The following SLC4A4 variants were observed in gnomAD, a reference collection of about 807,000 sequenced individuals.
SLC4A4 encodes the protein electrogenic sodium bicarbonate cotransporter 1.
A neutral mutation model predicts 111.5 loss-of-function variants in SLC4A4; 27 were observed. That is an observed-to-expected ratio of 0.24 (90% CI 0.18 to 0.33). SLC4A4 has a LOEUF of 0.33. Ranked by LOEUF, SLC4A4 falls within the 10% of genes least tolerant of loss-of-function variation. The probability of loss-of-function intolerance (pLI) is 1.00; values close to 1 mark genes in which losing one functional copy is unlikely to be tolerated. For missense variants in SLC4A4, 909 were observed against 1,315.5 expected (o/e 0.69, Z 4.78); for synonymous variants, 443 against 463.4 (o/e 0.96, Z 0.57).
At chr4:71,524,694 C>T (rs1733262485) in intron 16 of SLC4A4, among the ~76,000 whole-genome samples, 1 of 151,676 alleles carries the variant, frequency 6.6e-6, no homozygotes, top group Admixed American at 6.6e-5. Flanking sequence ...ACTGGGGGGT[C>T]ATATTTCAAA....
At chr4:71,342,164 T>C (rs890059366) in intron 4 of SLC4A4, among the ~76,000 whole-genome samples, 1 of 152,220 alleles carries the variant, frequency 6.6e-6, no homozygotes, top group Non-Finnish European at 1.5e-5. Flanking sequence ...TTTGCTCTTT[T>C]GGGGCTTCCT....
At chr4:71,471,386 G>A (rs4524353) in intron 13 of SLC4A4, among the ~76,000 whole-genome samples, 2 of 151,928 alleles carry the variant, frequency 1.3e-5, no homozygotes, top group South Asian at 2.1e-4. Flanking sequence ...TGAGTGAGGC[G>A]AGTATAGATA....
At chr4:71,546,264 T>C in intron 18 of SLC4A4, 86 bp from the exon 19 acceptor site, 1 of 1,179,064 alleles carries the variant, frequency 8.5e-7, no homozygotes, top group Non-Finnish European at 1.3e-6. Context: ...CAGTTTCCTT[T>C]GGTCATCTTA....
At chr4:71,088,098 G>T (rs1250582494) in intron 1 of SLC4A4, among the ~76,000 whole-genome samples, 1 of 151,916 alleles carries the variant, frequency 6.6e-6, no homozygotes, top group Non-Finnish European at 1.5e-5. Flanking sequence ...CCTGTATTGG[G>T]TGCATATATA....
chr4:71,110,012 T>C (rs1386928797), intron 2 of SLC4A4, among the ~76,000 whole-genome samples: 1 of 152,112 alleles, frequency 6.6e-6, no homozygotes. Context: ...CTGAAATTGA[T>C]GAAAATTATT....
chr4:71,502,813 G>T (rs1731064604), intron 16 of SLC4A4, among the ~76,000 whole-genome samples: 1 of 152,160 alleles, frequency 6.6e-6, no homozygotes, highest in Non-Finnish European at 1.5e-5. Context: ...GTAGCAGTTG[G>T]ATGGAATATT....
chr4:71,064,798 G>C (rs1303552069), intron 1 of SLC4A4, among the ~76,000 whole-genome samples: 1 of 152,164 alleles, frequency 6.6e-6, no homozygotes, highest in Non-Finnish European at 1.5e-5. Context: ...GATAGACCTA[G>C]GTTAAAATTT....
intron 5 of SLC4A4, among the ~76,000 whole-genome samples, chr4:71,356,045 A>G (rs185381495): frequency 2.0e-5 from 3 of 152,350 alleles, no homozygotes; most frequent in Admixed American, 6.5e-5. Context: ...CATATCTTGC[A>G]CAGATTCTGT....
intron 3 of SLC4A4, among the ~76,000 whole-genome samples, chr4:71,319,856 C>T (rs751972193): frequency 6.6e-6 from 1 of 151,876 alleles, no homozygotes; most frequent in Non-Finnish European, 1.5e-5. Context: ...AGCTGAGCAC[C>T]AGATTCTGGT....
chr4:71,184,062 T>C (rs1745381006), upstream of SLC4A4, among the ~76,000 whole-genome samples: 1 of 152,192 alleles, frequency 6.6e-6, no homozygotes, highest in Non-Finnish European at 1.5e-5. Flanking sequence ...CACAGTGCTT[T>C]ACAGACAACA....
chr4:71,207,047 A>G (rs1329594757), intron 1 of SLC4A4, among the ~76,000 whole-genome samples: 2 of 152,150 alleles, frequency 1.3e-5, no homozygotes, highest in Non-Finnish European at 2.9e-5. Context: ...TAGTAATCTT[A>G]TAAGGTTGTA....
intron 7 of SLC4A4, among the ~76,000 whole-genome samples, chr4:71,412,744 T>C (rs1721471112): frequency 6.6e-6 from 1 of 151,880 alleles, no homozygotes; most frequent in Non-Finnish European, 1.5e-5. Flanking sequence ...AACTGGGGAG[T>C]GGGCAGAGGT....
chr4:71,218,385 G>A (rs755530758), intron 1 of SLC4A4, among the ~76,000 whole-genome samples: 9 of 152,120 alleles, frequency 5.9e-5, no homozygotes, highest in Non-Finnish European at 1.3e-4. Context: ...TCACTTGTTT[G>A]ATGACCTTTC....
intron 3 of SLC4A4, among the ~76,000 whole-genome samples, chr4:71,258,703 G>T (rs558498415): frequency 4.8e-4 from 73 of 152,168 alleles, no homozygotes; most frequent in African/African-American, 1.6e-3. Flanking sequence ...CTGGAACATC[G>T]TATTTATATT....
chr4:71,062,891 G>A (rs373776508), intron 1 of SLC4A4, among the ~76,000 whole-genome samples: 6 of 152,138 alleles, frequency 3.9e-5, no homozygotes, highest in Non-Finnish European at 8.8e-5. Context: ...GTGAGGAAGC[G>A]ATGAACCTTC....
At chr4:71,154,656 G>C (rs1044029903) in intron 2 of SLC4A4, among the ~76,000 whole-genome samples, 1 of 152,110 alleles carries the variant, frequency 6.6e-6, no homozygotes, top group African/African-American at 2.4e-5. Flanking sequence ...AATAAATATT[G>C]TAAGTATTAA....
intron 2 of SLC4A4, among the ~76,000 whole-genome samples, chr4:71,148,248 C>T (rs1261271410): frequency 6.6e-6 from 1 of 152,142 alleles, no homozygotes; most frequent in East Asian, 1.9e-4. Context: ...TTGGAAAGCT[C>T]TTCTTCATAT....
intron 7 of SLC4A4, among the ~76,000 whole-genome samples, chr4:71,423,155 T>C (rs1297066586): frequency 6.6e-6 from 1 of 152,140 alleles, no homozygotes; most frequent in African/African-American, 2.4e-5. Context: ...GGATACAAAG[T>C]CAATGTACAA....
At chr4:71,080,208 C>T (rs1292832747) in intron 1 of SLC4A4, among the ~76,000 whole-genome samples, 1 of 152,092 alleles carries the variant, frequency 6.6e-6, no homozygotes, top group East Asian at 1.9e-4. Context: ...GTCACTGCGA[C>T]GCTATGTGTT....
Sources: gnomAD v4.1 joint callset for allele counts (sites outside exome capture counted in the v4.1 genomes callset) on GRCh38, gnomAD v4.1.1 for gene constraint, MANE v1.5 for transcripts, NCBI Gene and HGNC (gene_info 2026-07-23, HGNC 2026-07-21) for gene names.